Variants in ZSWIM5 observed in about 807,000 individuals in gnomAD.
The protein encoded by ZSWIM5 is zinc finger SWIM-type containing 5.
In ZSWIM5, 55 loss-of-function variants were observed where a neutral mutation model predicts 119.6. That is an observed-to-expected ratio of 0.46 (90% CI 0.37 to 0.58). ZSWIM5 has a LOEUF of 0.58. ZSWIM5 is among the 20% of genes least tolerant of loss of function. The probability of loss-of-function intolerance (pLI) is 0.00; values close to 1 mark genes in which losing one functional copy is unlikely to be tolerated. For missense variants in ZSWIM5, 1,193 were observed against 1,512.8 expected (o/e 0.79, Z 3.51); for synonymous variants, 537 against 606.9 (o/e 0.88, Z 1.69).
At chr1:45,102,049 A>AAC (rs1553194357) in intron 1 of ZSWIM5, among the ~76,000 whole-genome samples, 2 of 152,136 alleles carry the variant, frequency 1.3e-5, no homozygotes, top group South Asian at 4.2e-4. Flanking sequence ...TAAAAAAAAA[A>AAC]AAACTGTGAA....
At chr1:45,114,926 G>A (rs1450231960) in intron 1 of ZSWIM5, among the ~76,000 whole-genome samples, 1 of 152,156 alleles carries the variant, frequency 6.6e-6, no homozygotes, top group African/African-American at 2.4e-5. Context: ...ACCCTTAGTG[G>A]ACACAGCACA....
intron 1 of ZSWIM5, among the ~76,000 whole-genome samples, chr1:45,138,530 G>C (rs1161052012): frequency 1.3e-5 from 2 of 150,774 alleles, no homozygotes; most frequent in African/African-American, 2.4e-5. Context: ...AAAAAGAAAG[G>C]AAGAAAAACA....
intron 1 of ZSWIM5, among the ~76,000 whole-genome samples, chr1:45,092,638 A>G (rs1048553283): frequency 1.4e-5 from 2 of 144,486 alleles, no homozygotes; most frequent in African/African-American, 5.1e-5. Context: ...TGACTAGGCT[A>G]TGGTACCCAG....
At chr1:45,107,291 T>G (rs1364253410) in intron 1 of ZSWIM5, among the ~76,000 whole-genome samples, 2 of 152,040 alleles carry the variant, frequency 1.3e-5, no homozygotes, top group Non-Finnish European at 2.9e-5. Flanking sequence ...ATGAGAGGCA[T>G]TTGTCTGGAA....
At chr1:45,161,614 T>C (rs552052930) in intron 1 of ZSWIM5, among the ~76,000 whole-genome samples, 8 of 152,298 alleles carry the variant, frequency 5.3e-5, no homozygotes, top group South Asian at 2.1e-4. Context: ...TTTGGCTAGA[T>C]TGATTTTGAG....
chr1:45,152,916 CAAAT>C (rs1320190785), intron 1 of ZSWIM5, among the ~76,000 whole-genome samples: 2 of 151,770 alleles, frequency 1.3e-5, no homozygotes, highest in Middle Eastern at 3.4e-3. Context: ...AAACAAAAAA[CAAAT>C]AACCCCATTA....
intron 1 of ZSWIM5, among the ~76,000 whole-genome samples, chr1:45,093,844 T>C (rs1024144253): frequency 9.0e-5 from 7 of 78,144 alleles, no homozygotes; most frequent in Non-Finnish European, 1.4e-4. Flanking sequence ...ATGTAGAAGC[T>C]TGTTTTTTTT....
At chr1:45,139,694 ATTTTTTTTT>A (rs774168631) in intron 1 of ZSWIM5, among the ~76,000 whole-genome samples, 60 of 67,340 alleles carry the variant, frequency 8.9e-4, no homozygotes, top group African/African-American at 3.2e-3. Flanking sequence ...GCTTTCTTCG[ATTTTTTTTT>A]TTTTTTTTTT....
chr1:45,112,797 T>C lies in ZSWIM5; in HGVS notation c.596-24560A>G, dbSNP rs1645526245. 3.9e-5 allele frequency among the ~76,000 whole-genome samples: 6 copies of C among 152,324 alleles called. No homozygotes were observed. In the South Asian group the frequency reaches 1.2e-3, roughly 32 times the overall value. ...AACTCATAAATCTATCCAATGTGGA[T>C]CTCATTCCTTTGTACCAGAGCATCA... On this transcript the variant is annotated intron_variant, in intron 1 of 13. Transcript: ENST00000359600.
In ZSWIM5 at chr1:45,029,545, C is replaced by G. The variant is rs561360153; in HGVS notation, c.2449+4767G>C. ...TTCGATTGTAAAGTTATACATTTTT[C>G]CTTTATGATTGGTAAATATTTTGCG... is the stretch of plus-strand genomic sequence containing the variant. On this transcript the variant is annotated intron_variant, in intron 11 of 13. Transcript: ENST00000359600. Among the ~76,000 whole-genome samples, 3 of 151,988 alleles carry G rather than the reference C, an allele frequency of 2.0e-5. No individual in the cohort carries two copies. The East Asian group carries it at 5.8e-4, about 29-fold the overall frequency.
In ZSWIM5 at chr1:45,193,938, G is replaced by GTGTATATATATATATATATATATA. The variant is rs766920512; in HGVS notation, c.595+11817_595+11818insTATATATATATATATATATATACA. On this transcript the variant is annotated intron_variant, in intron 1 of 13. Transcript: ENST00000359600. ...TATGTGTACATATGTGTGCATATGT[G>GTGTATATATATATATATATATATA]TATATATATATATATATACATACAT... Among the ~76,000 whole-genome samples the GTGTATATATATATATATATATATA allele has an allele frequency of 5.1e-4, 74 of 146,262 alleles. 1 individual carries two copies. The highest frequency in any genetic ancestry group is 1.8e-3 in the African/African-American group (72 of 39,588).
intron 2 of ZSWIM5, chr1:45,069,982 C>G: frequency 1.4e-6 from 1 of 716,614 alleles, no homozygotes; most frequent in Non-Finnish European, 2.6e-6. Flanking sequence ...GCAGTCTAAC[C>G]CATCAGATAG....
chr1:45,017,859 T>C lies in ZSWIM5; in HGVS notation c.*595A>G, dbSNP rs1016123257. 17 of 158,666 alleles carry C rather than the reference T, an allele frequency of 1.1e-4. No individual in the cohort carries two copies. The highest frequency in any genetic ancestry group is 1.0e-3 in the Admixed American group (17 of 16,742). 9.8% of individuals were successfully genotyped at this position (158,666 alleles called of 1,614,324 possible). The stretch of plus-strand genomic sequence containing the variant: ...TGTAGGTGGGGGATTCTGCATAGAC[T>C]AGACTTGGGTTGATCCTAACTGGCC... On this transcript the variant is annotated 3_prime_UTR_variant, in exon 14 of 14. Coordinates refer to ENST00000359600, the MANE Select transcript of ZSWIM5 (RefSeq NM_020883.2).
chr1:45,084,179 A>C (rs1472689233), intron 2 of ZSWIM5, among the ~76,000 whole-genome samples: 1 of 152,140 alleles, frequency 6.6e-6, no homozygotes. Flanking sequence ...CAAAGTACTG[A>C]GATTACAGGT....
chr1:45,076,912 G>A (rs1223455879), intron 2 of ZSWIM5, among the ~76,000 whole-genome samples: 1 of 151,706 alleles, frequency 6.6e-6, no homozygotes, highest in Non-Finnish European at 1.5e-5. Flanking sequence ...TCTTCTGTAT[G>A]CCAATTGCAT....
Position 45,155,799 on chromosome 1 carries a change from G to A in ZSWIM5, c.595+49957C>T, listed in dbSNP as rs12042750. On this transcript the variant is annotated intron_variant, in intron 1 of 13. Transcript: ENST00000359600. ...ACTCAGGAATGGAAAACCAAACATC[G>A]TTATGTTCTCACTCATAAGCGGGAG... 0.027 allele frequency among the ~76,000 whole-genome samples: 4,080 copies of A among 152,234 alleles called. 466 individuals are homozygous for A. The East Asian group carries it at 0.38, about 14-fold the overall frequency.
chr1:45,063,331 G>C lies in ZSWIM5; in HGVS notation c.953-3084C>G, dbSNP rs116853739. Among the ~76,000 whole-genome samples, 258 of 152,144 alleles carry C rather than the reference G, an allele frequency of 1.7e-3. 7 individuals carry two copies. The East Asian group carries it at 0.048, about 28-fold the overall frequency. ...TCCTTTGGGTATATGCCCAGTAATG[G>C]GATTGCTGGGTGGCATCATAGTTCT... is the stretch of plus-strand genomic sequence containing the variant. On this transcript the variant is annotated intron_variant, in intron 2 of 13. Coordinates refer to ENST00000359600, the MANE Select transcript of ZSWIM5 (RefSeq NM_020883.2).
intron 1 of ZSWIM5, among the ~76,000 whole-genome samples, chr1:45,194,386 CAA>C (rs952946434): frequency 6.6e-6 from 1 of 151,554 alleles, no homozygotes; most frequent in African/African-American, 2.4e-5. Context: ...TTTTTTTTAA[CAA>C]AAAAGGTAAG....
chr1:45,116,146 A>G (rs1645556414), intron 1 of ZSWIM5, among the ~76,000 whole-genome samples: 1 of 152,102 alleles, frequency 6.6e-6, no homozygotes. Context: ...AGAGGGCTCT[A>G]TATCTTTTCT....
Sources: allele counts gnomAD v4.1 joint callset (sites outside exome capture counted in the v4.1 genomes callset), GRCh38; gene constraint gnomAD v4.1.1; transcripts MANE v1.5; gene names NCBI Gene and HGNC (gene_info 2026-07-23, HGNC 2026-07-21).